Variants in KCNT2 observed in about 807,000 individuals in gnomAD.
The protein encoded by KCNT2 is potassium channel subfamily T member 2.
Under a neutral mutation model 153.8 loss-of-function variants are expected in KCNT2, and 67 were observed. The observed-to-expected ratio is 0.44, with a 90% CI of 0.36 to 0.53. The LOEUF is 0.53. KCNT2 is among the 20% of genes least tolerant of loss of function. The pLI is 0.00. For synonymous variants in KCNT2, 500 were observed against 458.8 expected (o/e 1.09, Z -1.15); for missense variants, 975 against 1,354.8 (o/e 0.72, Z 4.40).
At chr1:196,459,289 C>A (rs1160179528) in intron 8 of KCNT2, among the ~76,000 whole-genome samples, 1 of 151,630 alleles carries the variant, frequency 6.6e-6, no homozygotes, top group Non-Finnish European at 1.5e-5. Context: ...ATGCCCTATC[C>A]TGTGCCCTAA....
chr1:196,540,263 C>T (rs1038966729), intron 1 of KCNT2, among the ~76,000 whole-genome samples: 4 of 152,112 alleles, frequency 2.6e-5, no homozygotes, highest in Non-Finnish European at 5.9e-5. Context: ...AATACTGATG[C>T]ATCATCAAAT....
intron 25 of KCNT2, among the ~76,000 whole-genome samples, chr1:196,280,181 G>C (rs1658964214): frequency 6.6e-6 from 1 of 152,140 alleles, no homozygotes; most frequent in Non-Finnish European, 1.5e-5. Context: ...CCTAAAAGGT[G>C]ATATTACACT....
At chr1:196,324,689 T>C (rs1663670291) in intron 19 of KCNT2, among the ~76,000 whole-genome samples, 1 of 152,030 alleles carries the variant, frequency 6.6e-6, no homozygotes, top group African/African-American at 2.4e-5. Context: ...ATAATCTTTA[T>C]GGTCTTATTC....
chr1:196,392,152 G>A (rs1283773832), intron 13 of KCNT2, among the ~76,000 whole-genome samples: 1 of 151,238 alleles, frequency 6.6e-6, no homozygotes, highest in Non-Finnish European at 1.5e-5. Context: ...AATGTTAACA[G>A]TTTTTGCAGT....
Position 196,228,152 on chromosome 1 carries a change from T to G in KCNT2, c.*72A>C. 1 of 792,622 alleles carries G rather than the reference T, an allele frequency of 1.3e-6. No homozygotes were observed. Among genetic ancestry groups the G allele is most frequent in the Non-Finnish European group, 2.2e-6 (1 of 462,328 alleles). 49.1% of individuals were successfully genotyped at this position (792,622 alleles called of 1,614,324 possible). A position where few individuals can be genotyped will look rare whatever the true frequency, so the allele number is the denominator to read the frequency against. On this transcript the variant is annotated 3_prime_UTR_variant, in exon 28 of 28. Coordinates refer to ENST00000294725, the MANE Select transcript of KCNT2 (RefSeq NM_198503.5). ...ATTACATATATTTCCATCTAGTTTCTTTCGTGCCAGCAAAACTTTTGTGGT... is the reference window on the plus strand; with the variant it reads ...ATTACATATATTTCCATCTAGTTTCGTTCGTGCCAGCAAAACTTTTGTGGT...
intron 8 of KCNT2, 100 bp downstream of exon 8, chr1:196,465,193 T>C (rs1677499622): frequency 1.5e-6 from 1 of 649,682 alleles, no homozygotes; most frequent in Admixed American, 3.0e-5. Context: ...TGTTTATTTA[T>C]TTATTGACAA....
At position 196,479,170 on chromosome 1, in the gene KCNT2, A is replaced by T; in HGVS notation, c.384+9T>A. On this transcript the variant is annotated intron_variant, in intron 5 of 27. Transcript: ENST00000294725. ...TATCAGCGGGAAACTGCTAATTAAAATAACTTACCTTATAACTAAGATAAC... is the reference window on the plus strand; with the variant it reads ...TATCAGCGGGAAACTGCTAATTAAATTAACTTACCTTATAACTAAGATAAC... The T allele has an allele frequency of 1.3e-6, 2 of 1,496,570 alleles. No homozygotes were observed. Among genetic ancestry groups the T allele is most frequent in the Non-Finnish European group, 1.9e-6 (2 of 1,077,270 alleles). 92.7% of individuals were successfully genotyped at this position (1,496,570 alleles called of 1,614,324 possible).
intron 8 of KCNT2, among the ~76,000 whole-genome samples, chr1:196,444,919 C>T (rs1437079330): frequency 1.3e-5 from 2 of 151,262 alleles, no homozygotes; most frequent in African/African-American, 2.4e-5. Flanking sequence ...ATGAAAATCA[C>T]CCAAGTGAAT....
chr1:196,482,268 G>T, intron 4 of KCNT2, 63 bp downstream of exon 4: 1 of 1,021,014 alleles, frequency 9.8e-7, no homozygotes, highest in Non-Finnish European at 1.5e-6. Flanking sequence ...CTCTCCAATA[G>T]TACTTCTCTG....
Position 196,315,954 on chromosome 1 carries a change from C to G in KCNT2, c.2421G>C (p.Met807Ile). The change falls in exon 21 of 28, where the codon ATG (methionine) becomes ATC (isoleucine). Residue 807 changes from methionine to isoleucine, a missense_variant. This residue lies in a region of KCNT2 where 66 missense variants were observed against 147.9 expected (regional missense o/e 0.45). Coordinates refer to ENST00000294725, the MANE Select transcript of KCNT2 (RefSeq NM_198503.5). ...NMVVVDKEST[M>I]SAEEDYMADA... ...CTGCCATGTAGTCTTCCTCGGCACT[C>G]ATGGTGCTCTCTTTATCCACAACCA... is the stretch of plus-strand genomic sequence containing the variant. The G allele has an allele frequency of 6.2e-7, 1 of 1,610,340 alleles. No homozygotes were observed.
At chr1:196,236,098 T>C in intron 26 of KCNT2, 28 bp from the exon 27 acceptor site, 1 of 1,169,310 alleles carries the variant, frequency 8.6e-7, no homozygotes, top group Non-Finnish European at 1.3e-6. Context: ...GCCAAGTTTG[T>C]TATACTGCTT....
At chr1:196,346,441 C>G (rs1666150483) in intron 14 of KCNT2, among the ~76,000 whole-genome samples, 1 of 152,014 alleles carries the variant, frequency 6.6e-6, no homozygotes, top group Admixed American at 6.6e-5. Flanking sequence ...TATCAAACAC[C>G]AAATTCCTAA....
intron 1 of KCNT2, among the ~76,000 whole-genome samples, chr1:196,563,037 G>T (rs2148928219): frequency 6.6e-6 from 1 of 151,942 alleles, no homozygotes; most frequent in African/African-American, 2.4e-5. Flanking sequence ...TCCAGGACTT[G>T]AGCACTACAT....
chr1:196,489,735 C>A, intron 3 of KCNT2, 103 bp downstream of exon 3: 1 of 660,702 alleles, frequency 1.5e-6, no homozygotes, highest in South Asian at 1.9e-5. Flanking sequence ...ACCTAAAATA[C>A]CCTTAAAAAT....
intron 12 of KCNT2, among the ~76,000 whole-genome samples, chr1:196,411,852 T>A (rs1252019937): frequency 1.3e-5 from 2 of 151,798 alleles, no homozygotes; most frequent in African/African-American, 4.8e-5. Context: ...ATATTACCAA[T>A]CCCTGTATAT....
intron 21 of KCNT2, among the ~76,000 whole-genome samples, chr1:196,315,151 C>T (rs371852950): frequency 5.9e-4 from 89 of 151,682 alleles, no homozygotes; most frequent in African/African-American, 2.0e-3. Flanking sequence ...TTTCATTTAC[C>T]TCTGTAATTT....
intron 14 of KCNT2, among the ~76,000 whole-genome samples, chr1:196,366,114 T>G (rs570262673): frequency 6.6e-6 from 1 of 152,168 alleles, no homozygotes; most frequent in African/African-American, 2.4e-5. Context: ...CTTCCTTCAC[T>G]CTGCTCTATT....
At chr1:196,471,805 T>C (rs1678130847) in intron 5 of KCNT2, among the ~76,000 whole-genome samples, 1 of 152,228 alleles carries the variant, frequency 6.6e-6, no homozygotes, top group African/African-American at 2.4e-5. Context: ...AGGTTGGGTT[T>C]GTTTCCGATT....
chr1:196,346,218 T>C (rs1558175746), intron 14 of KCNT2, among the ~76,000 whole-genome samples: 1 of 152,178 alleles, frequency 6.6e-6, no homozygotes, highest in Non-Finnish European at 1.5e-5. Context: ...GCTTCCTTGC[T>C]GTGTTTCAGG....
Sources: allele counts gnomAD v4.1 joint callset (sites outside exome capture counted in the v4.1 genomes callset), GRCh38; gene constraint gnomAD v4.1.1; regional missense constraint gnomAD v4.1.1; transcripts MANE v1.5; gene names NCBI Gene and HGNC (gene_info 2026-07-23, HGNC 2026-07-21).